The following DYNC2H1 variants were observed in gnomAD, a reference collection of about 807,000 sequenced individuals.
DYNC2H1 encodes the protein dynein cytoplasmic 2 heavy chain 1, also known as cytoplasmic dynein 2 heavy chain 1.
In DYNC2H1, 410 loss-of-function variants were observed where a neutral mutation model predicts 570.0. The observed-to-expected ratio is 0.72, with a 90% CI of 0.66 to 0.78. DYNC2H1 has a LOEUF of 0.78. Among genes scored for constraint, DYNC2H1 ranks in the 30% least tolerant of loss-of-function variants. The probability of loss-of-function intolerance (pLI) is 0.00; values close to 1 mark genes in which losing one functional copy is unlikely to be tolerated. For synonymous variants in DYNC2H1, 1,688 were observed against 1,677.6 expected, an observed-to-expected ratio of 1.01 and a Z score of -0.15; for missense variants, 4,865 against 5,046.4, an observed-to-expected ratio of 0.96 and a Z score of 1.09.
Position 103,243,624 on chromosome 11 carries a change from A to G in DYNC2H1, c.9820-69A>G. The G allele has an allele frequency of 8.5e-7, 1 of 1,174,638 alleles. No homozygotes were observed. The highest frequency in any genetic ancestry group is 1.5e-5 in the South Asian group (1 of 64,748). 72.8% of individuals were successfully genotyped at this position (1,174,638 alleles called of 1,614,324 possible). A position where few individuals can be genotyped will look rare whatever the true frequency, so the allele number is the denominator to read the frequency against. On this transcript the variant is annotated intron_variant, in intron 63 of 88. Transcript: ENST00000375735. The surrounding 1 kb of genome is among the most constrained non-coding windows in gnomAD (Gnocchi z 4.8). ...TAGTAATTGATTTATAATTTCTAGAAAACTATTTCCATTTAAATGAAAGCT... is the reference window on the plus strand; with the variant it reads ...TAGTAATTGATTTATAATTTCTAGAGAACTATTTCCATTTAAATGAAAGCT...
chr11:103,191,281 G>GC (rs1862301392), intron 45 of DYNC2H1, among the ~76,000 whole-genome samples: 1 of 151,772 alleles, frequency 6.6e-6, no homozygotes, highest in African/African-American at 2.4e-5. Context: ...CTCGTGATCT[G>GC]CCCCCACTCA....
intron 52 of DYNC2H1, among the ~76,000 whole-genome samples, chr11:103,208,518 CAG>C (rs1863025235): frequency 6.6e-6 from 1 of 152,094 alleles, no homozygotes; most frequent in Non-Finnish European, 1.5e-5. Context: ...GCTTGGGAAA[CAG>C]AGAGTTCATG....
chr11:103,236,380 A>G (rs771212360), intron 62 of DYNC2H1, 50 bp from the exon 63 acceptor site: 3 of 1,098,274 alleles, frequency 2.7e-6, no homozygotes, highest in South Asian at 2.5e-5. Context: ...CCTTCCCTTC[A>G]TCAAGTACAA....
At chr11:103,374,339 C>A (rs747127378) in intron 83 of DYNC2H1, among the ~76,000 whole-genome samples, 1 of 152,282 alleles carries the variant, frequency 6.6e-6, no homozygotes, top group East Asian at 1.9e-4. Flanking sequence ...CCTGCTGGCA[C>A]TTATTCTCTC....
At chr11:103,230,466 G>A (rs1355644385) in intron 59 of DYNC2H1, among the ~76,000 whole-genome samples, 1 of 152,150 alleles carries the variant, frequency 6.6e-6, no homozygotes, top group East Asian at 1.9e-4. Flanking sequence ...TGTGCATAGA[G>A]GTTGATGGAG....
intron 12 of DYNC2H1, among the ~76,000 whole-genome samples, chr11:103,126,730 G>A (rs1254182209): frequency 1.3e-5 from 2 of 151,364 alleles, no homozygotes; most frequent in African/African-American, 4.9e-5. Flanking sequence ...TCCGCCTCCC[G>A]GGTTCATGCC....
In DYNC2H1 at chr11:103,468,573, T is replaced by C. The variant is rs773750919; in HGVS notation, c.12649-16T>C. 4 of 1,592,496 alleles carry C rather than the reference T, an allele frequency of 2.5e-6. No homozygotes were observed. The highest frequency in any genetic ancestry group is 2.6e-6 in the Non-Finnish European group (3 of 1,161,828). ...CTTTAATGCATATTTTCATGACATATTTGTTTCCATGGCAGATCAGTGGCT... is the reference window on the plus strand; with the variant it reads ...CTTTAATGCATATTTTCATGACATACTTGTTTCCATGGCAGATCAGTGGCT... On this transcript the variant is annotated splice_polypyrimidine_tract_variant and intron_variant, in intron 87 of 88. Coordinates refer to ENST00000375735, the MANE Select transcript of DYNC2H1 (RefSeq NM_001377.3).
At chr11:103,258,268 T>C (rs1865142262) in intron 69 of DYNC2H1, among the ~76,000 whole-genome samples, 1 of 152,236 alleles carries the variant, frequency 6.6e-6, no homozygotes, top group Admixed American at 6.5e-5. Flanking sequence ...TAGTGTATTA[T>C]GGACAGCTTT....
At chr11:103,294,659 C>T (rs11225664) in intron 75 of DYNC2H1, among the ~76,000 whole-genome samples, 25,104 of 152,110 alleles carry the variant, frequency 0.17, 2,252 homozygotes, top group Admixed American at 0.25. Context: ...TGGCACCATG[C>T]TGAGTCATAC....
chr11:103,397,650 T>G (rs1942452729), intron 83 of DYNC2H1, among the ~76,000 whole-genome samples: 1 of 152,164 alleles, frequency 6.6e-6, no homozygotes, highest in African/African-American at 2.4e-5. Flanking sequence ...ATCCTAGCAT[T>G]TTGGGAGGCC....
At chr11:103,357,385 T>C (rs1940401050) in intron 82 of DYNC2H1, among the ~76,000 whole-genome samples, 1 of 152,150 alleles carries the variant, frequency 6.6e-6, no homozygotes, top group East Asian at 1.9e-4. Context: ...GAGCCTTGTA[T>C]GTAGAGGAAA....
intron 24 of DYNC2H1, 77 bp from the exon 25 acceptor site, chr11:103,155,254 G>A: frequency 7.2e-7 from 1 of 1,381,042 alleles, no homozygotes; most frequent in Non-Finnish European, 9.6e-7. Flanking sequence ...AAGCATAAAA[G>A]TAAATACTAA....
At chr11:103,322,631 G>C (rs1248338939) in intron 81 of DYNC2H1, among the ~76,000 whole-genome samples, 1 of 152,098 alleles carries the variant, frequency 6.6e-6, no homozygotes, top group African/African-American at 2.4e-5. Flanking sequence ...CCAGTTACTA[G>C]TCAGCATATC....
At position 103,203,737 on chromosome 11, in the gene DYNC2H1, G is replaced by A. The variant is rs1231279612; in HGVS notation, c.8272G>A (p.Asp2758Asn). 1.9e-6 allele frequency: 3 copies of A among 1,612,066 alleles called. No individual in the cohort carries two copies. The highest frequency in any genetic ancestry group is 2.7e-5 in the African/African-American group (2 of 74,876). Residue 2758 changes from aspartate (D) to asparagine (N), a missense_variant, in exon 51 of 89, where the codon GAT becomes AAT. Transcript: ENST00000375735. This position sits in a 1 kb window ranked among gnomAD's most constrained non-coding sequence, Gnocchi z 4.7. ...LLPLKDQASQ[D>N]GFFGPVFNYF... ...ACCACTTAAGGATCAAGCTTCACAA[G>A]ATGGTTTTTTTGGACCAGTCTTCAA...
chr11:103,130,615 T>C (rs1048103936), intron 13 of DYNC2H1, among the ~76,000 whole-genome samples: 1 of 145,130 alleles, frequency 6.9e-6, no homozygotes, highest in African/African-American at 2.6e-5. Flanking sequence ...AATATTTTTC[T>C]ATGCAAATTT....
At position 103,189,824 on chromosome 11, in the gene DYNC2H1, T is replaced by A. The variant is rs1270044710; in HGVS notation, c.7437+8T>A. On this transcript the variant is annotated splice_region_variant and intron_variant, in intron 45 of 88. Transcript: ENST00000375735. This position sits in a 1 kb window ranked among gnomAD's most constrained non-coding sequence, Gnocchi z 4.3. ...GTACAAGTGTATGAACAGGTAGATA[T>A]GCATCTAAATTGTAGCTTTCATGTC... 1.3e-6 allele frequency: 2 copies of A among 1,585,252 alleles called. No homozygotes were observed. Among genetic ancestry groups the A allele is most frequent in the South Asian group, 2.3e-5 (2 of 85,898 alleles).
chr11:103,287,115 C>A (rs7104199), intron 74 of DYNC2H1, among the ~76,000 whole-genome samples: 1 of 151,950 alleles, frequency 6.6e-6, no homozygotes, highest in African/African-American at 2.4e-5. Flanking sequence ...GCACTCCAGC[C>A]TGGGTGACAG....
chr11:103,220,545 TA>T, intron 56 of DYNC2H1, 77 bp from the exon 57 acceptor site: 1 of 1,387,776 alleles, frequency 7.2e-7, no homozygotes, highest in Non-Finnish European at 9.7e-7. Flanking sequence ...TAAATGACAA[TA>T]AAACATAATT....
intron 85 of DYNC2H1, 67 bp from the exon 86 acceptor site, chr11:103,455,119 T>C (rs912973400): frequency 1.7e-6 from 2 of 1,143,486 alleles, no homozygotes; most frequent in Admixed American, 2.3e-5. Flanking sequence ...TTATTGAAAA[T>C]GACTTAAGTC....
Sources: gnomAD v4.1 joint callset for allele counts (sites outside exome capture counted in the v4.1 genomes callset) on GRCh38, gnomAD v4.1.1 for gene constraint, Gnocchi (gnomAD v3.1) non-coding constraint, MANE v1.5 for transcripts, NCBI Gene and HGNC (gene_info 2026-07-23, HGNC 2026-07-21) for gene names.